SAMD8: variants seen among roughly 807,000 people sequenced by gnomAD.
SAMD8 encodes the protein sterile alpha motif domain containing 8, also known as sphingomyelin synthase-related protein 1.
In SAMD8, 20 loss-of-function variants were observed where a neutral mutation model predicts 42.0. That is an observed-to-expected ratio of 0.48 (90% CI 0.34 to 0.69). The LOEUF (loss-of-function observed/expected upper bound fraction) is 0.69. Ranked by LOEUF, SAMD8 falls within the 30% of genes least tolerant of loss-of-function variation. The pLI is 0.01. For synonymous variants in SAMD8, 162 were observed against 173.0 expected (o/e 0.94, Z 0.50); for missense variants, 328 against 511.6 (o/e 0.64, Z 3.46).
upstream of SAMD8, chr10:75,107,919 T>C (rs1250016011): frequency 7.4e-6 from 11 of 1,485,388 alleles, no homozygotes; most frequent in Middle Eastern, 1.9e-4. Flanking sequence ...AGGGCACTGA[T>C]GACTGAGAGG....
Position 75,150,547 on chromosome 10 carries a change from C to G in SAMD8, c.19C>G (p.Leu7Val). Reference protein sequence around the residue: MAGPNQLCIRRWTTKHV... With the variant: MAGPNQVCIRRWTTKHV... Reference sequence around the variant, plus strand: ...GGAGGAAATGGCAGGTCCTAATCAACTCTGCATTCGCCGCTGGACTACCAA... The same window carrying G: ...GGAGGAAATGGCAGGTCCTAATCAAGTCTGCATTCGCCGCTGGACTACCAA... Residue 7 changes from leucine to valine, a missense_variant, in exon 2 of 6, where the codon CTC becomes GTC. By Grantham distance (32) the Leu-to-Val change is conservative. Coordinates refer to ENST00000542569, the MANE Select transcript of SAMD8 (RefSeq NM_001174156.2). 1.2e-6 allele frequency: 2 copies of G among 1,613,266 alleles called. No individual in the cohort carries two copies. Among genetic ancestry groups the G allele is most frequent in the East Asian group, 2.2e-5 (1 of 44,886 alleles).
At chr10:75,173,386 CACTT>C (rs2132217512) in intron 4 of SAMD8, among the ~76,000 whole-genome samples, 1 of 152,256 alleles carries the variant, frequency 6.6e-6, no homozygotes, top group Admixed American at 6.5e-5. Context: ...AATTTAGAAA[CACTT>C]AATGCATATT....
At chr10:75,102,272 C>T (rs529917379) in intron 1 of SAMD8, among the ~76,000 whole-genome samples, 3 of 152,072 alleles carry the variant, frequency 2.0e-5, no homozygotes, top group East Asian at 3.9e-4. Context: ...GTCAGGAGAT[C>T]GAGACCATCC....
intron 1 of SAMD8, among the ~76,000 whole-genome samples, chr10:75,145,940 A>T (rs2657286): frequency 0.56 from 84,388 of 152,008 alleles, 25,287 homozygotes; most frequent in East Asian, 0.9. Context: ...TGGGAATTCA[A>T]TTGGGTGGTC....
intron 1 of SAMD8, among the ~76,000 whole-genome samples, chr10:75,148,161 T>C (rs558783011): frequency 9.9e-5 from 15 of 152,236 alleles, no homozygotes; most frequent in African/African-American, 3.6e-4. Context: ...AAATACTTAA[T>C]GTTTAACTGA....
intron 1 of SAMD8, among the ~76,000 whole-genome samples, chr10:75,144,303 A>G (rs1840088034): frequency 6.6e-6 from 1 of 152,020 alleles, no homozygotes; most frequent in Admixed American, 6.6e-5. Context: ...GGCATTAAGT[A>G]CATTTACTGT....
intron 1 of SAMD8, among the ~76,000 whole-genome samples, chr10:75,135,368 G>A (rs1001435468): frequency 3.3e-5 from 5 of 151,098 alleles, no homozygotes; most frequent in East Asian, 1.9e-4. Flanking sequence ...CAGGAGAATC[G>A]CTTGAACCCG....
intron 3 of SAMD8, among the ~76,000 whole-genome samples, chr10:75,166,223 A>G (rs1840674652): frequency 6.6e-6 from 1 of 152,140 alleles, no homozygotes. Flanking sequence ...TAATTAAAAA[A>G]AGGAAGCCTG....
chr10:75,106,369 C>G (rs576625162), intron 1 of SAMD8, among the ~76,000 whole-genome samples: 1 of 152,218 alleles, frequency 6.6e-6, no homozygotes, highest in South Asian at 2.1e-4. Context: ...TTTCTGACCT[C>G]CAGCCTTACC....
chr10:75,167,832 A>G (rs950162242), intron 3 of SAMD8, among the ~76,000 whole-genome samples: 16 of 152,114 alleles, frequency 1.1e-4, no homozygotes, highest in African/African-American at 3.4e-4. Flanking sequence ...GACTCAAGCA[A>G]TCCTCCCACC....
upstream of SAMD8, chr10:75,111,557 G>A (rs980483050): frequency 2.6e-5 from 32 of 1,246,576 alleles, 1 homozygote; most frequent in African/African-American, 4.7e-5. Flanking sequence ...CGATGCCTGC[G>A]CGCAGTCGCC....
chr10:75,153,034 TAC>T lies in SAMD8; in HGVS notation c.578+1930_578+1931del, dbSNP rs559714142. On this transcript the variant is annotated intron_variant, in intron 2 of 5. Transcript: ENST00000542569. The stretch of plus-strand genomic sequence containing the variant: ...TCTTGCTCTGTCACCCAGGCTGCAG[TAC>T]AATGGCACGATCTCAGCTCACTGCA... Among the ~76,000 whole-genome samples the T allele has an allele frequency of 1.6e-4, 24 of 152,268 alleles. 1 individual carries two copies. In the South Asian group the frequency reaches 4.8e-3, roughly 30 times the overall value.
intron 2 of SAMD8, among the ~76,000 whole-genome samples, chr10:75,163,611 T>G (rs1200552071): frequency 1.3e-5 from 2 of 152,078 alleles, no homozygotes; most frequent in African/African-American, 2.4e-5. Flanking sequence ...ATTTTTGTAT[T>G]TTTTGTAGAG....
intron 1 of SAMD8, among the ~76,000 whole-genome samples, chr10:75,122,800 T>A (rs192586918): frequency 8.5e-5 from 13 of 152,150 alleles, no homozygotes; most frequent in South Asian, 4.2e-4. Context: ...TTTCTGACAA[T>A]TTGTATTATA....
At chr10:75,139,232 G>C (rs562655813) in intron 1 of SAMD8, among the ~76,000 whole-genome samples, 43 of 152,042 alleles carry the variant, frequency 2.8e-4, no homozygotes, top group African/African-American at 9.9e-4. Context: ...GCCTTCCAAC[G>C]TACTGGGATT....
At chr10:75,123,402 C>G (rs896638135) in intron 1 of SAMD8, among the ~76,000 whole-genome samples, 1 of 152,162 alleles carries the variant, frequency 6.6e-6, no homozygotes, top group Non-Finnish European at 1.5e-5. Flanking sequence ...ATGGACTCCT[C>G]TGACAGCATG....
At position 75,178,275 on chromosome 10, in the gene SAMD8, TG is replaced by T. The variant is rs1483684151; in HGVS notation, c.*1584del. 1.3e-5 allele frequency: 2 copies of T among 152,232 alleles called. No individual in the cohort carries two copies. The highest frequency in any genetic ancestry group is 4.8e-5 in the African/African-American group (2 of 41,462). The allele number at this position is 152,232 out of a possible 1,614,324, so 9.4% of individuals were successfully genotyped here. On this transcript the variant is annotated 3_prime_UTR_variant, in exon 6 of 6. Coordinates refer to ENST00000542569, the MANE Select transcript of SAMD8 (RefSeq NM_001174156.2). ...ATTTTTGTATTTCTCACTTGAGAAA[TG>T]CTGCAAGGCAATTCAACTTTTATGC...
intron 1 of SAMD8, among the ~76,000 whole-genome samples, chr10:75,100,354 C>T (rs1343637638): frequency 1.3e-5 from 2 of 152,122 alleles, no homozygotes; most frequent in Non-Finnish European, 2.9e-5. Flanking sequence ...CAGGGTGTTG[C>T]CCCACCTGTC....
At chr10:75,135,650 C>CCT (rs1839866266) in intron 1 of SAMD8, among the ~76,000 whole-genome samples, 2 of 151,484 alleles carry the variant, frequency 1.3e-5, no homozygotes, top group South Asian at 4.2e-4. Flanking sequence ...ATGGTGAAAC[C>CCT]CTCTCTCTAC....
Sources: allele counts gnomAD v4.1 joint callset (sites outside exome capture counted in the v4.1 genomes callset), GRCh38; gene constraint gnomAD v4.1.1; transcripts MANE v1.5; gene names NCBI Gene and HGNC (gene_info 2026-07-23, HGNC 2026-07-21).